SEC61G: variants seen among roughly 807,000 people sequenced by gnomAD.
The protein encoded by SEC61G is SEC61 translocon subunit gamma.
Under a neutral mutation model 7.5 loss-of-function variants are expected in SEC61G, and 4 were observed. The observed-to-expected ratio is 0.54, with a 90% CI of 0.26 to 1.22. The LOEUF is 1.22. SEC61G is among the 50% of genes most tolerant of loss of function. The probability of loss-of-function intolerance (pLI) is 0.12; values close to 1 mark genes in which losing one functional copy is unlikely to be tolerated. For missense variants in SEC61G, 53 were observed against 84.6 expected, an observed-to-expected ratio of 0.63 and a Z score of 1.46; for synonymous variants, 24 against 24.4, an observed-to-expected ratio of 0.98 and a Z score of 0.05.
chr7:54,755,818 A>G lies in SEC61G; in HGVS notation c.158T>C (p.Phe53Ser), dbSNP rs1244616309. ...AATAGGAATATGGATCAATTTCACA[A>G]AGAAGCCAATGAATCCCATTATAGC... is the stretch of plus-strand genomic sequence containing the variant. ...GFAIMGFIGF[F>S]VKLIHIPINN... The change falls in exon 3 of 4, where the codon TTT (phenylalanine) becomes TCT (serine). Residue 53 changes from phenylalanine to serine, a missense_variant. Phe to Ser is a radical substitution (Grantham distance 155). Coordinates refer to ENST00000352861, the MANE Select transcript of SEC61G (RefSeq NM_014302.4). The G allele has an allele frequency of 1.3e-6, 2 of 1,586,886 alleles. No individual in the cohort carries two copies. The highest frequency in any genetic ancestry group is 1.7e-6 in the Non-Finnish European group (2 of 1,164,142).
intron 3 of SEC61G, among the ~76,000 whole-genome samples, chr7:54,753,784 G>T (rs551551166): frequency 4.6e-5 from 7 of 152,054 alleles, no homozygotes; most frequent in Non-Finnish European, 5.9e-5. Flanking sequence ...AAGATTTCCC[G>T]TGTTGCTCTA....
At chr7:54,753,119 G>A (rs940511100) in intron 3 of SEC61G, among the ~76,000 whole-genome samples, 1 of 151,272 alleles carries the variant, frequency 6.6e-6, no homozygotes, top group Admixed American at 6.6e-5. Flanking sequence ...GTGAAACCCC[G>A]TCTCTACTAA....
chr7:54,752,467 TAATA>T (rs1211370919), intron 3 of SEC61G, 47 bp from the exon 4 acceptor site: 1 of 1,218,150 alleles, frequency 8.2e-7, no homozygotes, highest in South Asian at 1.4e-5. Flanking sequence ...GATAAGATTT[TAATA>T]ATTATTATTA....
chr7:54,758,622 T>C (rs1308234668), intron 1 of SEC61G, among the ~76,000 whole-genome samples: 1 of 152,180 alleles, frequency 6.6e-6, no homozygotes, highest in Admixed American at 6.5e-5. Context: ...GTAATCATAG[T>C]TGTCACGAAG....
At chr7:54,753,615 T>C (rs947826678) in intron 3 of SEC61G, among the ~76,000 whole-genome samples, 2 of 152,180 alleles carry the variant, frequency 1.3e-5, no homozygotes, top group African/African-American at 2.4e-5. Context: ...TGGCATAACA[T>C]GAGAAAAGAG....
chr7:54,758,266 T>C (rs77717687), intron 1 of SEC61G, among the ~76,000 whole-genome samples: 156 of 152,388 alleles, frequency 1.0e-3, no homozygotes, highest in African/African-American at 3.4e-3. Context: ...TATTTTACCA[T>C]ACAGGTTCTT....
chr7:54,753,069 C>T (rs907664840), intron 3 of SEC61G, among the ~76,000 whole-genome samples: 2 of 152,060 alleles, frequency 1.3e-5, no homozygotes, highest in African/African-American at 4.8e-5. Flanking sequence ...GGAGGCAGAT[C>T]ACCTGAGGTC....
chr7:54,755,644 C>T, intron 3 of SEC61G, 135 bp downstream of exon 3: 1 of 447,266 alleles, frequency 2.2e-6, no homozygotes, highest in Non-Finnish European at 4.0e-6. Context: ...TTATCAGGTA[C>T]TCGTAAATAT....
At chr7:54,752,484 T>A in intron 3 of SEC61G, 64 bp from the exon 4 acceptor site, 2 of 1,071,934 alleles carry the variant, frequency 1.9e-6, no homozygotes, top group South Asian at 1.5e-5. Context: ...TATTATTATT[T>A]GAAATGCAAT....
chr7:54,755,195 T>G (rs1209396829), intron 3 of SEC61G: 3 of 152,222 alleles, frequency 2.0e-5, no homozygotes, highest in Admixed American at 6.5e-5. Context: ...TATTCTCCTA[T>G]CAGTATCAAT....
chr7:54,755,910 T>A, intron 2 of SEC61G, 29 bp from the exon 3 acceptor site: 1 of 1,378,788 alleles, frequency 7.3e-7, no homozygotes, highest in Admixed American at 1.9e-5. Context: ...AATTCACATA[T>A]TTTTTGCACT....
chr7:54,755,461 A>G (rs750783716), intron 3 of SEC61G: 4 of 176,370 alleles, frequency 2.3e-5, no homozygotes, highest in Non-Finnish European at 3.6e-5. Flanking sequence ...TGCTCTGCAC[A>G]TTAGAAATTA....
chr7:54,757,499 T>C lies in SEC61G; in HGVS notation c.90A>G (p.Arg30=), dbSNP rs182365203. The change falls in exon 2 of 4, where the codon AGA becomes AGG. Residue 30 remains arginine (R), a synonymous_variant. Transcript: ENST00000352861. The part of the protein sequence containing the change: ...RLVKRCTKPD[R]KEFQKIAMAT... ...CTCTCATAGTCAAGCAATTACCTTTTCTATCAGGTTTAGTGCATCTTTTAA... is the reference window on the plus strand; with the variant it reads ...CTCTCATAGTCAAGCAATTACCTTTCCTATCAGGTTTAGTGCATCTTTTAA... The C allele has an allele frequency of 2.0e-4, 316 of 1,613,144 alleles. 1 individual carries two copies. The East Asian group carries it at 6.0e-3, about 31-fold the overall frequency.
intron 1 of SEC61G, 160 bp downstream of exon 1, chr7:54,758,998 C>T (rs887788489): frequency 6.2e-6 from 2 of 325,190 alleles, no homozygotes; most frequent in South Asian, 2.2e-5. Context: ...GGTGGGATGT[C>T]GGCGGCCAGA....
intron 3 of SEC61G, chr7:54,754,938 A>C (rs1161077109): frequency 6.6e-6 from 1 of 152,172 alleles, no homozygotes; most frequent in Non-Finnish European, 1.5e-5. Context: ...AGGTAATAAT[A>C]GATTTTATTA....
At position 54,757,548 on chromosome 7, in the gene SEC61G, A is replaced by C; in HGVS notation, c.41T>G (p.Phe14Cys). 6.2e-7 allele frequency: 1 copy of C among 1,614,128 alleles called. No individual in the cohort carries two copies. The highest frequency in any genetic ancestry group is 2.2e-5 in the East Asian group (1 of 44,874). Residue 14 changes from phenylalanine to cysteine, a missense_variant, in exon 2 of 4, where the codon TTT (phenylalanine) becomes TGT (cysteine). Coordinates refer to ENST00000352861, the MANE Select transcript of SEC61G (RefSeq NM_014302.4). The stretch of plus-strand genomic sequence containing the variant: ...AACCAGCCGAATGGAGTCCTTTACA[A>C]ACTGCCGACTTGGCTCAACAAACTG... ...VMQFVEPSRQ[F>C]VKDSIRLVKR...
At chr7:54,752,804 G>A (rs1791440147) in intron 3 of SEC61G, among the ~76,000 whole-genome samples, 1 of 152,206 alleles carries the variant, frequency 6.6e-6, no homozygotes, top group Admixed American at 6.5e-5. Context: ...ACAGACTGCA[G>A]ATGAGCACAA....
At chr7:54,752,441 AT>A in intron 3 of SEC61G, 21 bp from the exon 4 acceptor site, 2 of 1,440,502 alleles carry the variant, frequency 1.4e-6, no homozygotes, top group Non-Finnish European at 9.6e-7. Context: ...AAGAAAAATT[AT>A]TACTTCTGAG....
rs1255996215 is a variant in SEC61G, at chr7:54,758,425, C to CTA, written c.-7+731_-7+732dup. Among the ~76,000 whole-genome samples the CTA allele has an allele frequency of 2.0e-5, 3 of 152,134 alleles. No individual in the cohort carries two copies. The East Asian group carries it at 5.8e-4, about 29-fold the overall frequency. Reference sequence around the variant, plus strand: ...GCCAGGTGGTAGTTCAAATCACTGGCTATGGAATGTAAACCTCTGTAAGCC... The same window carrying CTA: ...GCCAGGTGGTAGTTCAAATCACTGGCTATATGGAATGTAAACCTCTGTAAGCC... On this transcript the variant is annotated intron_variant, in intron 1 of 3. Transcript: ENST00000352861.
Sources: allele counts gnomAD v4.1 joint callset (sites outside exome capture counted in the v4.1 genomes callset), GRCh38; gene constraint gnomAD v4.1.1; transcripts MANE v1.5; gene names NCBI Gene and HGNC (gene_info 2026-07-23, HGNC 2026-07-21).